The following NID2 variants were observed in gnomAD, a reference collection of about 807,000 sequenced individuals.
NID2 encodes the protein nidogen-2.
Under a neutral mutation model 145.4 loss-of-function variants are expected in NID2, and 83 were observed. That is an observed-to-expected ratio of 0.57 (90% CI 0.48 to 0.69). The LOEUF is 0.69. Ranked by LOEUF, NID2 falls within the 30% of genes least tolerant of loss-of-function variation. The pLI is 0.00. For missense variants in NID2, 1,807 were observed against 1,765.7 expected (o/e 1.02, Z -0.42); for synonymous variants, 739 against 701.3 (o/e 1.05, Z -0.85).
chr14:52,047,541 CA>C (rs1484145420), intron 5 of NID2, among the ~76,000 whole-genome samples: 2 of 152,104 alleles, frequency 1.3e-5, no homozygotes, highest in Non-Finnish European at 2.9e-5. Flanking sequence ...AGAAGAGTAA[CA>C]TGCTCCGACT....
intron 8 of NID2, among the ~76,000 whole-genome samples, chr14:52,040,013 T>C (rs1892219051): frequency 6.6e-6 from 1 of 152,230 alleles, no homozygotes; most frequent in Admixed American, 6.5e-5. Flanking sequence ...CAATCTCGGC[T>C]CACTGCAACC....
chr14:52,034,657 C>T (rs758198000), intron 9 of NID2, among the ~76,000 whole-genome samples: 2 of 152,202 alleles, frequency 1.3e-5, no homozygotes, highest in African/African-American at 4.8e-5. Context: ...TGAAGCAACA[C>T]TTCTTTATTG....
rs558754667 is a variant in NID2 at position 52,057,559 on chromosome 14, C to T, written c.767+2565G>A. On this transcript the variant is annotated intron_variant, in intron 3 of 21. Coordinates refer to ENST00000216286, the MANE Select transcript of NID2 (RefSeq NM_007361.4). ...CTCTACGAAAAATACAAAAATTAGCCGGGTGTGGTGGTGGGCGCCTGTAAT... is the reference window on the plus strand; with the variant it reads ...CTCTACGAAAAATACAAAAATTAGCTGGGTGTGGTGGTGGGCGCCTGTAAT... Among the ~76,000 whole-genome samples, 9 of 151,386 alleles carry T rather than the reference C, an allele frequency of 5.9e-5. No homozygotes were observed. The South Asian group carries it at 8.4e-4, about 14-fold the overall frequency.
chr14:52,040,370 A>G (rs1443642300), intron 8 of NID2, among the ~76,000 whole-genome samples: 5 of 152,148 alleles, frequency 3.3e-5, no homozygotes, highest in Non-Finnish European at 1.5e-5. Context: ...AAAACTGTAT[A>G]TAATTATACC....
At chr14:52,020,648 G>A (rs886715363) in intron 12 of NID2, among the ~76,000 whole-genome samples, 2 of 152,148 alleles carry the variant, frequency 1.3e-5, no homozygotes, top group African/African-American at 2.4e-5. Context: ...GGAGCCAGAT[G>A]AGGCCCAAAT....
intron 2 of NID2, among the ~76,000 whole-genome samples, chr14:52,063,551 T>C (rs1893086720): frequency 6.6e-6 from 1 of 152,276 alleles, no homozygotes; most frequent in Non-Finnish European, 1.5e-5. Flanking sequence ...TTTAATTAAC[T>C]GCAGCTATCT....
chr14:52,007,470 T>C, intron 19 of NID2: 1 of 280,938 alleles, frequency 3.6e-6, no homozygotes, highest in Non-Finnish European at 6.8e-6. Context: ...CAGATGTTTA[T>C]AGGTAAGTTA....
chr14:52,022,912 A>T (rs1891452745), intron 12 of NID2, among the ~76,000 whole-genome samples: 2 of 152,056 alleles, frequency 1.3e-5, no homozygotes, highest in Admixed American at 6.6e-5. Context: ...CCCATCCCAG[A>T]TCCCAATAAA....
intron 17 of NID2, 148 bp from the exon 18 acceptor site, chr14:52,011,195 A>G: frequency 1.4e-6 from 1 of 701,018 alleles, no homozygotes; most frequent in Non-Finnish European, 2.3e-6. Context: ...GTTAATAGAG[A>G]AACAAGTACT....
intron 5 of NID2, among the ~76,000 whole-genome samples, chr14:52,044,793 G>T (rs1011301052): frequency 6.6e-6 from 1 of 151,774 alleles, no homozygotes; most frequent in African/African-American, 2.4e-5. Flanking sequence ...TTTTGGTAGG[G>T]TGGGTTGGGG....
chr14:52,014,756 C>T (rs1228866531), intron 15 of NID2, among the ~76,000 whole-genome samples: 2 of 151,778 alleles, frequency 1.3e-5, no homozygotes, highest in African/African-American at 4.8e-5. Context: ...TGTCAGCTTC[C>T]TTTTAGGACT....
At chr14:52,067,822 A>C in intron 2 of NID2, 36 bp downstream of exon 2, 1 of 1,608,426 alleles carries the variant, frequency 6.2e-7, no homozygotes, top group Non-Finnish European at 8.5e-7. Context: ...CCCATCCTTC[A>C]ATTTCCTCAG....
chr14:52,064,333 G>C (rs1893116506), intron 2 of NID2, among the ~76,000 whole-genome samples: 1 of 152,224 alleles, frequency 6.6e-6, no homozygotes, highest in Admixed American at 6.5e-5. Flanking sequence ...TATGGAGGCT[G>C]AGAAGTCCAA....
At chr14:52,038,702 T>G (rs754703248) in intron 9 of NID2, 45 bp downstream of exon 9, 8 of 1,445,786 alleles carry the variant, frequency 5.5e-6, no homozygotes, top group Non-Finnish European at 6.6e-6. Context: ...TAACTCTACT[T>G]AAAAGGATGT....
At chr14:52,021,222 GAA>G (rs35210822) in intron 12 of NID2, among the ~76,000 whole-genome samples, 36,605 of 150,772 alleles carry the variant, frequency 0.24, 4,521 homozygotes, top group Non-Finnish European at 0.26. Context: ...TGTGTGAATA[GAA>G]AAAAAAAAAA....
chr14:52,032,975 G>A (rs1484746835), intron 9 of NID2, among the ~76,000 whole-genome samples: 1 of 152,130 alleles, frequency 6.6e-6, no homozygotes, highest in Non-Finnish European at 1.5e-5. Flanking sequence ...ATGAAAATGT[G>A]GAGCCCATGG....
chr14:52,020,006 T>G, intron 13 of NID2, 53 bp downstream of exon 13: 4 of 1,598,998 alleles, frequency 2.5e-6, no homozygotes, highest in Non-Finnish European at 3.4e-6. Context: ...TAGAAAAATA[T>G]CCTTGAAGGA....
rs1890722691 is a variant in NID2 at position 52,005,305 on chromosome 14, T to C, written c.*181A>G. The C allele has an allele frequency of 6.7e-6, 3 of 447,824 alleles. No individual in the cohort carries two copies. The highest frequency in any genetic ancestry group is 7.7e-6 in the Non-Finnish European group (2 of 258,762). The allele number at this position is 447,824 out of a possible 1,614,324, so 27.7% of individuals were successfully genotyped here. ...ACAACCTTCATTTTTAAAAATACAG[T>C]AGTAAAGATTGAGGTATCAGCTTTT... On this transcript the variant is annotated 3_prime_UTR_variant, in exon 22 of 22. Coordinates refer to ENST00000216286, the MANE Select transcript of NID2 (RefSeq NM_007361.4).
At chr14:52,057,724 A>G (rs865911011) in intron 3 of NID2, among the ~76,000 whole-genome samples, 21 of 143,710 alleles carry the variant, frequency 1.5e-4, no homozygotes, top group African/African-American at 3.8e-4. Context: ...AAAAAAAAAA[A>G]AAAGAAAAGA....
Sources: allele counts gnomAD v4.1 joint callset (sites outside exome capture counted in the v4.1 genomes callset), GRCh38; gene constraint gnomAD v4.1.1; transcripts MANE v1.5; gene names NCBI Gene and HGNC (gene_info 2026-07-23, HGNC 2026-07-21).